The following PDE1A variants were observed in gnomAD, a reference collection of about 807,000 sequenced individuals.
The protein encoded by PDE1A is phosphodiesterase 1A, also known as dual specificity calcium/calmodulin-dependent 3',5'-cyclic nucleotide phosphodiesterase 1A.
In PDE1A, 35 loss-of-function variants were observed where a neutral mutation model predicts 61.7. The observed-to-expected ratio is 0.57, with a 90% CI of 0.43 to 0.75. The LOEUF is 0.75. Ranked by LOEUF, PDE1A falls within the 30% of genes least tolerant of loss-of-function variation. The pLI is 0.00. For missense variants in PDE1A, 597 were observed against 630.6 expected (o/e 0.95, Z 0.57); for synonymous variants, 232 against 213.2 (o/e 1.09, Z -0.77).
chr2:182,401,126 C>T (rs1370079004), intron 1 of PDE1A, among the ~76,000 whole-genome samples: 1 of 152,112 alleles, frequency 6.6e-6, no homozygotes, highest in Non-Finnish European at 1.5e-5. Context: ...CCTTCTGAAA[C>T]TATTCCAAAC....
At chr2:182,548,205 C>T in the PDE1A span, among the ~76,000 whole-genome samples, 1,648 of 152,260 alleles carry the variant, frequency 0.011, 20 homozygotes, top group Middle Eastern at 0.034. Flanking sequence ...AGCAGATCAG[C>T]GCCTAAAGAA....
At chr2:182,141,841 C>T (rs1690240484) in exon 15 of PDE1A, 1 of 152,190 alleles carries the variant, frequency 6.6e-6, no homozygotes, top group African/African-American at 2.4e-5. Context: ...TTACCTTTCA[C>T]AAAGATAAAT....
chr2:182,150,125 T>G (rs1441015595), intron 13 of PDE1A, among the ~76,000 whole-genome samples: 2 of 152,136 alleles, frequency 1.3e-5, no homozygotes, highest in African/African-American at 4.8e-5. Flanking sequence ...ATATAATAAA[T>G]AGATATATAG....
intron 2 of PDE1A, among the ~76,000 whole-genome samples, chr2:182,473,769 C>G (rs1277145187): frequency 3.3e-5 from 5 of 151,884 alleles, no homozygotes; most frequent in African/African-American, 4.8e-5. Context: ...CATTAGTTTG[C>G]TAAGATAATG....
intron 2 of PDE1A, among the ~76,000 whole-genome samples, chr2:182,446,343 G>C (rs988876076): frequency 1.5e-4 from 23 of 152,028 alleles, no homozygotes; most frequent in African/African-American, 5.6e-4. Context: ...ATAGGACAAA[G>C]ATAAACTTAT....
At chr2:182,512,256 C>T (rs1004553503) in intron 2 of PDE1A, among the ~76,000 whole-genome samples, 5 of 152,184 alleles carry the variant, frequency 3.3e-5, no homozygotes, top group Non-Finnish European at 7.3e-5. Flanking sequence ...GCAGCAGGTG[C>T]TTAACCTCAA....
chr2:182,610,020 G>A, the PDE1A span, among the ~76,000 whole-genome samples: 13 of 151,964 alleles, frequency 8.6e-5, no homozygotes, highest in African/African-American at 2.4e-4. Flanking sequence ...CCCAGGAGGC[G>A]GAGGTTGCAG....
At chr2:182,222,525 C>A in intron 7 of PDE1A, among the ~76,000 whole-genome samples, 1 of 151,860 alleles carries the variant, frequency 6.6e-6, no homozygotes, top group South Asian at 2.1e-4. Flanking sequence ...AAAGAGTGAA[C>A]CTTCATATAA....
the PDE1A span, among the ~76,000 whole-genome samples, chr2:182,573,791 T>C: frequency 6.7e-6 from 1 of 149,136 alleles, no homozygotes; most frequent in African/African-American, 2.5e-5. Flanking sequence ...ATATAATATA[T>C]AAAATTCTAG....
chr2:182,503,213 C>T (rs1234408814), intron 2 of PDE1A, among the ~76,000 whole-genome samples: 2 of 152,166 alleles, frequency 1.3e-5, no homozygotes, highest in East Asian at 1.9e-4. Context: ...GCACCAATGT[C>T]ACCAAAGCTA....
chr2:182,590,528 GA>G, the PDE1A span, among the ~76,000 whole-genome samples: 1 of 152,150 alleles, frequency 6.6e-6, no homozygotes. Flanking sequence ...TGCTTTGTGG[GA>G]ATGAAATTGA....
intron 2 of PDE1A, among the ~76,000 whole-genome samples, chr2:182,463,267 AATAAT>A (rs1686430412): frequency 6.6e-6 from 1 of 151,316 alleles, no homozygotes; most frequent in African/African-American, 2.4e-5. Flanking sequence ...AATAAAATAA[AATAAT>A]AAAAATAAAA....
chr2:182,535,653 G>A, the PDE1A span, among the ~76,000 whole-genome samples: 1 of 152,050 alleles, frequency 6.6e-6, no homozygotes, highest in Non-Finnish European at 1.5e-5. Context: ...TTAAATGTAT[G>A]TACATTTGAC....
intron 6 of PDE1A, among the ~76,000 whole-genome samples, chr2:182,224,985 C>T (rs1457198436): frequency 6.6e-6 from 1 of 151,646 alleles, no homozygotes. Context: ...ACACTTAAAA[C>T]AATAAAAGAC....
At chr2:182,635,294 A>G in the PDE1A span, among the ~76,000 whole-genome samples, 1 of 152,108 alleles carries the variant, frequency 6.6e-6, no homozygotes, top group Admixed American at 6.5e-5. Flanking sequence ...GACTCCTTCC[A>G]AGATAATTCC....
chr2:182,541,241 G>C, the PDE1A span, among the ~76,000 whole-genome samples: 4 of 152,220 alleles, frequency 2.6e-5, no homozygotes, highest in Non-Finnish European at 5.9e-5. Context: ...TGGTGATGCA[G>C]TAGAATCAGT....
intron 2 of PDE1A, among the ~76,000 whole-genome samples, chr2:182,246,555 C>T (rs1272918739): frequency 1.3e-5 from 2 of 151,770 alleles, no homozygotes; most frequent in African/African-American, 4.8e-5. Flanking sequence ...AGGCGTGCCA[C>T]CACACCCAGC....
At chr2:182,406,170 C>T (rs367748776) in intron 1 of PDE1A, among the ~76,000 whole-genome samples, 1 of 151,822 alleles carries the variant, frequency 6.6e-6, no homozygotes, top group Admixed American at 6.6e-5. Context: ...TATTATTATT[C>T]CCATTTTACA....
chr2:182,252,080 T>C (rs1375793294), intron 2 of PDE1A, among the ~76,000 whole-genome samples: 1 of 152,174 alleles, frequency 6.6e-6, no homozygotes, highest in African/African-American at 2.4e-5. Flanking sequence ...GTGTATATAG[T>C]GTGTCCTTCA....
Sources: gnomAD v4.1 joint callset for allele counts (sites outside exome capture counted in the v4.1 genomes callset) on GRCh38, gnomAD v4.1.1 for gene constraint, MANE v1.5 for transcripts, NCBI Gene and HGNC (gene_info 2026-07-23, HGNC 2026-07-21) for gene names.